NF2: variants seen among roughly 807,000 people sequenced by gnomAD.
The protein encoded by NF2 is NF2, moesin-ezrin-radixin like (MERLIN) tumor suppressor.
NF2 carries 8 observed loss-of-function variants against 83.7 expected under a neutral mutation model. The observed-to-expected ratio is 0.10, with a 90% CI of 0.06 to 0.17. NF2 has a LOEUF of 0.17. NF2 is among the 10% of genes least tolerant of loss of function. The pLI is 1.00. For synonymous variants in NF2, 266 were observed against 269.6 expected, an observed-to-expected ratio of 0.99 and a Z score of 0.13; for missense variants, 533 against 744.4, an observed-to-expected ratio of 0.72 and a Z score of 3.31.
chr22:29,614,530 C>T (rs986196753), intron 1 of NF2, among the ~76,000 whole-genome samples: 9 of 146,106 alleles, frequency 6.2e-5, no homozygotes, highest in Admixed American at 2.8e-4. Flanking sequence ...TGCAGTAAGC[C>T]GAGATCGCAC....
intron 1 of NF2, among the ~76,000 whole-genome samples, chr22:29,634,990 CAG>C (rs1160406274): frequency 6.6e-6 from 1 of 152,152 alleles, no homozygotes; most frequent in Non-Finnish European, 1.5e-5. Flanking sequence ...CCACTATAGT[CAG>C]AGAGGAGACA....
chr22:29,652,193 G>A (rs2245194), intron 4 of NF2, among the ~76,000 whole-genome samples: 102,643 of 152,068 alleles, frequency 0.67, 34,823 homozygotes, highest in East Asian at 0.8. Flanking sequence ...CTTCCCTTCA[G>A]GATCCTCTAA....
Position 29,696,829 on chromosome 22 carries a change from T to TC in NF2, c.*2027_*2028insC, listed in dbSNP as rs1385477792. On this transcript the variant is annotated 3_prime_UTR_variant, in exon 16 of 16. Coordinates refer to ENST00000338641, the MANE Select transcript of NF2 (RefSeq NM_000268.4). ...TTTTTTCTGTTTCTGTTTCTGTTTT[T>TC]TTTTTGAGATGGAGTCTCGCTCTGT... is the stretch of plus-strand genomic sequence containing the variant. 5.1e-6 allele frequency: 1 copy of TC among 196,916 alleles called. No homozygotes were observed. The highest frequency in any genetic ancestry group is 1.0e-5 in the Non-Finnish European group (1 of 95,358). 12.2% of individuals were successfully genotyped at this position (196,916 alleles called of 1,614,324 possible).
chr22:29,684,708 G>A (rs1240227077), intron 15 of NF2, among the ~76,000 whole-genome samples: 3 of 152,076 alleles, frequency 2.0e-5, no homozygotes, highest in Admixed American at 6.6e-5. Context: ...TCAAACACTC[G>A]GGTTAATCAA....
chr22:29,629,818 A>T (rs2065461337), intron 1 of NF2, among the ~76,000 whole-genome samples: 1 of 152,206 alleles, frequency 6.6e-6, no homozygotes, highest in Admixed American at 6.5e-5. Flanking sequence ...AGCCCACCAG[A>T]CCCCTATGAA....
intron 11 of NF2, among the ~76,000 whole-genome samples, chr22:29,672,697 C>G (rs2066836369): frequency 6.7e-6 from 1 of 149,922 alleles, no homozygotes; most frequent in Admixed American, 6.7e-5. Flanking sequence ...CTCACTGCAA[C>G]CTCCGCCTCC....
intron 1 of NF2, among the ~76,000 whole-genome samples, chr22:29,610,757 C>T (rs1233427118): frequency 2.0e-5 from 3 of 151,646 alleles, no homozygotes; most frequent in South Asian, 4.1e-4. Flanking sequence ...AAAATTAATA[C>T]AGTTCTTCAC....
At chr22:29,644,830 A>C (rs982778115) in intron 4 of NF2, among the ~76,000 whole-genome samples, 2 of 152,144 alleles carry the variant, frequency 1.3e-5, no homozygotes, top group Non-Finnish European at 2.9e-5. Context: ...CTGAGGCAGG[A>C]GAATCAGGCA....
chr22:29,632,858 G>A (rs1352416246), intron 1 of NF2, among the ~76,000 whole-genome samples: 1 of 152,180 alleles, frequency 6.6e-6, no homozygotes, highest in African/African-American at 2.4e-5. Context: ...AGAGGACAGT[G>A]AGTCACTTCA....
intron 1 of NF2, 134 bp downstream of exon 1, chr22:29,604,246 T>G (rs990872962): frequency 1.4e-6 from 1 of 718,038 alleles, no homozygotes; most frequent in Non-Finnish European, 2.5e-6. Flanking sequence ...AAACCTCATG[T>G]TAAAGATGAT....
intron 4 of NF2, among the ~76,000 whole-genome samples, chr22:29,643,104 T>C (rs983878547): frequency 2.6e-5 from 4 of 152,114 alleles, no homozygotes; most frequent in Non-Finnish European, 5.9e-5. Context: ...GTCCCCAGAA[T>C]TGGGGCTCCT....
chr22:29,632,184 C>T (rs555365049), intron 1 of NF2, among the ~76,000 whole-genome samples: 26 of 152,058 alleles, frequency 1.7e-4, no homozygotes, highest in South Asian at 4.2e-4. Context: ...ATGGTAGTTT[C>T]GGTCCTTTTG....
At chr22:29,641,895 T>G (rs1321957539) in intron 3 of NF2, among the ~76,000 whole-genome samples, 1 of 152,202 alleles carries the variant, frequency 6.6e-6, no homozygotes, top group Non-Finnish European at 1.5e-5. Context: ...TTGACACTTC[T>G]TGAGTTCATA....
At position 29,695,022 on chromosome 22, in the gene NF2, CCTGAGT is replaced by C; in HGVS notation, c.*223_*228del. On this transcript the variant is annotated 3_prime_UTR_variant, in exon 16 of 16. Coordinates refer to ENST00000338641, the MANE Select transcript of NF2 (RefSeq NM_000268.4). This position sits in a 1 kb window ranked among gnomAD's most constrained non-coding sequence, Gnocchi z 5.4. The stretch of plus-strand genomic sequence containing the variant: ...CTCTCATGGCGTTCTAGTTCTCTGA[CCTGAGT>C]CTTTGTTTTAAGAAGTATTTGTCTT... 1 of 616,342 alleles carries C rather than the reference CCTGAGT, an allele frequency of 1.6e-6. No homozygotes were observed. 38.2% of individuals were successfully genotyped at this position (616,342 alleles called of 1,614,324 possible). A position where few individuals can be genotyped will look rare whatever the true frequency, so the allele number is the denominator to read the frequency against.
chr22:29,692,087 C>CT (rs2067420899), intron 15 of NF2, among the ~76,000 whole-genome samples: 1 of 152,196 alleles, frequency 6.6e-6, no homozygotes, highest in Non-Finnish European at 1.5e-5. Context: ...CCAGGTCTGT[C>CT]TAAGGGGCGA....
In NF2 at chr22:29,696,806, TTTTCTG is replaced by T. The variant is rs2067563773; in HGVS notation, c.*2020_*2025del. The T allele has an allele frequency of 5.3e-6, 1 of 186,968 alleles. No homozygotes were observed. The highest frequency in any genetic ancestry group is 6.6e-5 in the Admixed American group (1 of 15,234). 11.6% of individuals were successfully genotyped at this position (186,968 alleles called of 1,614,324 possible). ...GCTCTGCCTCCTCCGTTTTTTTTTTTTTTCTGTTTCTGTTTCTGTTTTTTTTTTGAG... is the reference window on the plus strand; with the variant it reads ...GCTCTGCCTCCTCCGTTTTTTTTTTTTTTCTGTTTCTGTTTTTTTTTTGAG... On this transcript the variant is annotated 3_prime_UTR_variant, in exon 16 of 16. Coordinates refer to ENST00000338641, the MANE Select transcript of NF2 (RefSeq NM_000268.4).
intron 15 of NF2, among the ~76,000 whole-genome samples, chr22:29,692,802 G>A (rs1409075474): frequency 5.3e-5 from 8 of 152,220 alleles, no homozygotes; most frequent in African/African-American, 1.7e-4. Context: ...AACAGCTGCC[G>A]AGTTCCCACC....
At chr22:29,605,357 G>T (rs561746676) in intron 1 of NF2, among the ~76,000 whole-genome samples, 40 of 152,232 alleles carry the variant, frequency 2.6e-4, no homozygotes, top group African/African-American at 9.6e-4. Flanking sequence ...TAGAGACAGG[G>T]TTTCACCATA....
Position 29,681,595 on chromosome 22 carries a change from TAAA to T in NF2, c.1734_1736del (p.Lys579del). On this transcript the variant is annotated inframe_deletion, in exon 15 of 16. Coordinates refer to ENST00000338641, the MANE Select transcript of NF2 (RefSeq NM_000268.4). ...GTGGCAGCAGCAAGCACAATACCAT[TAAA>T]AAGGTACCCAGGGTCTCTTTCTTGT... 1 of 1,613,948 alleles carries T rather than the reference TAAA, an allele frequency of 6.2e-7. No individual in the cohort carries two copies. The highest frequency in any genetic ancestry group is 1.1e-5 in the South Asian group (1 of 91,084).
Sources: gnomAD v4.1 joint callset for allele counts (sites outside exome capture counted in the v4.1 genomes callset) on GRCh38, gnomAD v4.1.1 for gene constraint, Gnocchi (gnomAD v3.1) non-coding constraint, MANE v1.5 for transcripts, NCBI Gene and HGNC (gene_info 2026-07-23, HGNC 2026-07-21) for gene names.